The following EFR3B variants were observed in gnomAD, a reference collection of about 807,000 sequenced individuals.
The protein encoded by EFR3B is EFR3 homolog B.
Under a neutral mutation model 104.7 loss-of-function variants are expected in EFR3B, and 64 were observed. That is an observed-to-expected ratio of 0.61 (90% CI 0.50 to 0.75). The LOEUF (loss-of-function observed/expected upper bound fraction) is 0.75. Ranked by LOEUF, EFR3B falls within the 30% of genes least tolerant of loss-of-function variation. The probability of loss-of-function intolerance (pLI) is 0.00; values close to 1 mark genes in which losing one functional copy is unlikely to be tolerated. For synonymous variants in EFR3B, 385 were observed against 417.9 expected, an observed-to-expected ratio of 0.92 and a Z score of 0.96; for missense variants, 750 against 1,078.5, an observed-to-expected ratio of 0.70 and a Z score of 4.27.
intron 6 of EFR3B, 35 bp from the exon 7 acceptor site, chr2:25,129,940 T>G (rs1670282828): frequency 6.5e-7 from 1 of 1,549,114 alleles, no homozygotes; most frequent in Non-Finnish European, 8.7e-7. Flanking sequence ...CCAGCCTGCA[T>G]GCCACCCTCT....
At chr2:25,091,246 G>A (rs567110548) in intron 1 of EFR3B, 79 bp from the exon 2 acceptor site, 3 of 1,379,742 alleles carry the variant, frequency 2.2e-6, no homozygotes, top group South Asian at 2.6e-5. Context: ...CCACTCACAG[G>A]CTGCCCTGGC....
intron 4 of EFR3B, among the ~76,000 whole-genome samples, chr2:25,105,804 C>G (rs769674780): frequency 3.9e-5 from 6 of 152,216 alleles, no homozygotes; most frequent in Non-Finnish European, 7.3e-5. Context: ...TAGCTTCCCC[C>G]ACAGGAAATC....
intron 1 of EFR3B, among the ~76,000 whole-genome samples, chr2:25,068,930 C>CTTTTT (rs571830012): frequency 1.2e-5 from 1 of 80,998 alleles, no homozygotes; most frequent in African/African-American, 4.8e-5. Context: ...CGCCCGGCAT[C>CTTTTT]TTTTTTTTTT....
At chr2:25,079,321 AC>A (rs1369694976) in intron 1 of EFR3B, among the ~76,000 whole-genome samples, 1 of 152,330 alleles carries the variant, frequency 6.6e-6, no homozygotes, top group African/African-American at 2.4e-5. Context: ...GAAGGAGAGC[AC>A]AAGATGAACT....
In EFR3B at chr2:25,131,660, G is replaced by C; in HGVS notation, c.986-90G>C. 6.7e-7 allele frequency: 1 copy of C among 1,485,696 alleles called. No homozygotes were observed. Among genetic ancestry groups the C allele is most frequent in the Non-Finnish European group, 9.0e-7 (1 of 1,111,264 alleles). The allele number at this position is 1,485,696 out of a possible 1,614,324, so 92.0% of individuals were successfully genotyped here. ...AGCGCAGAGGAAGCCCAGGCTGGAAGGGGGCGTGACCCTGCCCTGCCTGCG... is the reference window on the plus strand; with the variant it reads ...AGCGCAGAGGAAGCCCAGGCTGGAACGGGGCGTGACCCTGCCCTGCCTGCG... On this transcript the variant is annotated intron_variant, in intron 9 of 22. Coordinates refer to ENST00000403714, the MANE Select transcript of EFR3B (RefSeq NM_014971.2). The surrounding 1 kb of genome is among the most constrained non-coding windows in gnomAD (Gnocchi z 7.6).
chr2:25,146,052 A>C (rs1670804167), intron 19 of EFR3B: 1 of 142,466 alleles, frequency 7.0e-6, no homozygotes, highest in Non-Finnish European at 1.5e-5. Flanking sequence ...CCACCTCTTC[A>C]TCTCTCCCCT....
In EFR3B at chr2:25,107,180, T is replaced by C. The variant is rs61219860; in HGVS notation, c.363+3393T>C. ...GGGTGGCAAGGTCAGAAGCCCCTCA[T>C]TGGGCCCTTGATTCCAAAGTGTGGC... On this transcript the variant is annotated intron_variant, in intron 4 of 22. Coordinates refer to ENST00000403714, the MANE Select transcript of EFR3B (RefSeq NM_014971.2). Among the ~76,000 whole-genome samples the C allele has an allele frequency of 3.5e-3, 526 of 152,226 alleles. 7 individuals carry two copies. Among genetic ancestry groups the C allele is most frequent in the African/African-American group, 0.012 (498 of 41,534 alleles).
intron 1 of EFR3B, among the ~76,000 whole-genome samples, chr2:25,078,228 C>T (rs766819103): frequency 3.9e-5 from 6 of 152,198 alleles, no homozygotes; most frequent in Non-Finnish European, 7.3e-5. Flanking sequence ...ACAAGTGCCT[C>T]GTGGGAGGCA....
chr2:25,145,064 G>A lies in EFR3B; in HGVS notation c.2142+13G>A. 1.3e-6 allele frequency: 2 copies of A among 1,551,532 alleles called. No individual in the cohort carries two copies. The highest frequency in any genetic ancestry group is 8.7e-7 in the Non-Finnish European group (1 of 1,146,790). Reference sequence around the variant, plus strand: ...GGAGAAGGAGGAGGTGAGTGTCCGTGCCACCGTCCTGGGGCAGCCCCACCT... The same window carrying A: ...GGAGAAGGAGGAGGTGAGTGTCCGTACCACCGTCCTGGGGCAGCCCCACCT... On this transcript the variant is annotated intron_variant, in intron 19 of 22. Coordinates refer to ENST00000403714, the MANE Select transcript of EFR3B (RefSeq NM_014971.2).
chr2:25,132,751 C>T (rs1338766736), intron 10 of EFR3B, among the ~76,000 whole-genome samples, 152 bp from the exon 11 acceptor site: 5 of 152,142 alleles, frequency 3.3e-5, no homozygotes, highest in African/African-American at 9.7e-5. Context: ...CTGGAGAGGC[C>T]GAATCACACC....
chr2:25,135,778 C>A, intron 13 of EFR3B, 139 bp downstream of exon 13: 1 of 1,047,318 alleles, frequency 9.5e-7, no homozygotes. Flanking sequence ...TCCCACAATT[C>A]AGATACTCAG....
At chr2:25,124,852 T>A (rs940023132) in intron 5 of EFR3B, among the ~76,000 whole-genome samples, 2 of 147,850 alleles carry the variant, frequency 1.4e-5, no homozygotes, top group Non-Finnish European at 3.0e-5. Context: ...AGGTCAGGAG[T>A]TCAAGACCAG....
intron 1 of EFR3B, among the ~76,000 whole-genome samples, chr2:25,089,149 A>G (rs550495992): frequency 6.6e-6 from 1 of 152,132 alleles, no homozygotes; most frequent in Non-Finnish European, 1.5e-5. Context: ...TCTGGTTTTC[A>G]TTTGAGAAGA....
chr2:25,077,682 T>G (rs1668675350), intron 1 of EFR3B, among the ~76,000 whole-genome samples: 1 of 152,202 alleles, frequency 6.6e-6, no homozygotes, highest in Non-Finnish European at 1.5e-5. Context: ...TACATATATA[T>G]TTTAAAATAT....
chr2:25,057,783 CA>C lies in EFR3B; in HGVS notation c.7+15479del, dbSNP rs11378748. Among the ~76,000 whole-genome samples the C allele has an allele frequency of 1.2e-3, 165 of 138,548 alleles. 1 individual carries two copies. Among genetic ancestry groups the C allele is most frequent in the Non-Finnish European group, 1.3e-3 (82 of 64,596 alleles). 90.9% of individuals were successfully genotyped at this position (138,548 alleles called of 152,430 possible). A position where few individuals can be genotyped will look rare whatever the true frequency, so the allele number is the denominator to read the frequency against. The stretch of plus-strand genomic sequence containing the variant: ...CTGAGCAACAAGAGCAAAACTCCGT[CA>C]AAAAAAAAAAAAAAGACCATTATCA... On this transcript the variant is annotated intron_variant, in intron 1 of 22. Coordinates refer to ENST00000403714, the MANE Select transcript of EFR3B (RefSeq NM_014971.2).
At chr2:25,061,233 C>T (rs908677102) in intron 1 of EFR3B, among the ~76,000 whole-genome samples, 4 of 151,414 alleles carry the variant, frequency 2.6e-5, no homozygotes, top group Admixed American at 6.6e-5. Flanking sequence ...AAGTGATTCT[C>T]GTCCCTCAGC....
intron 1 of EFR3B, chr2:25,079,920 T>A: frequency 7.2e-7 from 1 of 1,391,574 alleles, no homozygotes; most frequent in Non-Finnish European, 1.0e-6. Flanking sequence ...CAACTGAAAT[T>A]TCACATCCAC....
At chr2:25,152,112 C>G in intron 21 of EFR3B, 92 bp downstream of exon 21, 2 of 1,299,912 alleles carry the variant, frequency 1.5e-6, no homozygotes, top group Non-Finnish European at 2.1e-6. Flanking sequence ...GAGATCTTGG[C>G]TCTTTGACCA....
In EFR3B at chr2:25,154,214, C is replaced by T. The variant is rs1321322869; in HGVS notation, c.2349-21C>T. 5 of 1,549,426 alleles carry T rather than the reference C, an allele frequency of 3.2e-6. No homozygotes were observed. Among genetic ancestry groups the T allele is most frequent in the Non-Finnish European group, 8.7e-7 (1 of 1,145,040 alleles). The stretch of plus-strand genomic sequence containing the variant: ...AAATTCTCTTTTCATGCCTTTCTCC[C>T]CATGTGTTCCTGCCCCCTAGGCCCC... On this transcript the variant is annotated intron_variant, in intron 22 of 22. Transcript: ENST00000403714. This position sits in a 1 kb window ranked among gnomAD's most constrained non-coding sequence, Gnocchi z 4.1.
Sources: gnomAD v4.1 joint callset for allele counts (sites outside exome capture counted in the v4.1 genomes callset) on GRCh38, gnomAD v4.1.1 for gene constraint, Gnocchi (gnomAD v3.1) non-coding constraint, MANE v1.5 for transcripts, NCBI Gene and HGNC (gene_info 2026-07-23, HGNC 2026-07-21) for gene names.